SUCLG2: variants seen among roughly 807,000 people sequenced by gnomAD.
SUCLG2 encodes the protein succinate--CoA ligase [GDP-forming] subunit beta, mitochondrial.
A neutral mutation model predicts 47.9 loss-of-function variants in SUCLG2; 42 were observed. That is an observed-to-expected ratio of 0.88 (90% CI 0.69 to 1.14). The LOEUF (loss-of-function observed/expected upper bound fraction) is 1.14. SUCLG2 is among the 50% of genes most tolerant of loss of function. SUCLG2 has a pLI of 0.00. For missense variants in SUCLG2, 571 were observed against 525.9 expected, an observed-to-expected ratio of 1.09 and a Z score of -0.84; for synonymous variants, 195 against 197.3, an observed-to-expected ratio of 0.99 and a Z score of 0.10.
chr3:67,615,308 A>G (rs1700604929), intron 1 of SUCLG2, among the ~76,000 whole-genome samples: 1 of 152,062 alleles, frequency 6.6e-6, no homozygotes, highest in South Asian at 2.1e-4. Flanking sequence ...TTTTAAAATT[A>G]GAGGTGTAGA....
intron 1 of SUCLG2, among the ~76,000 whole-genome samples, chr3:67,624,660 T>C (rs7653350): frequency 0.31 from 47,769 of 152,124 alleles, 7,976 homozygotes; most frequent in Non-Finnish European, 0.37. Context: ...AATTTGAATT[T>C]CTTTAGCCAG....
intron 10 of SUCLG2, among the ~76,000 whole-genome samples, chr3:67,383,548 C>A (rs1046933344): frequency 6.6e-6 from 1 of 152,162 alleles, no homozygotes; most frequent in Admixed American, 6.5e-5. Context: ...AATCAACACT[C>A]GAGGTGTGAA....
intron 6 of SUCLG2, 135 bp downstream of exon 6, chr3:67,518,112 A>G: frequency 2.7e-6 from 2 of 739,694 alleles, no homozygotes; most frequent in Non-Finnish European, 4.5e-6. Flanking sequence ...TTCATCATAA[A>G]CAGCTGGAGG....
chr3:67,458,798 A>G (rs1474546921), intron 9 of SUCLG2, among the ~76,000 whole-genome samples: 2 of 152,200 alleles, frequency 1.3e-5, no homozygotes, highest in Non-Finnish European at 2.9e-5. Flanking sequence ...CCCTTCTGGA[A>G]TATCGTTAAA....
intron 9 of SUCLG2, among the ~76,000 whole-genome samples, chr3:67,472,614 TTTTA>T (rs1488785436): frequency 1.3e-5 from 2 of 152,186 alleles, no homozygotes; most frequent in Non-Finnish European, 2.9e-5. Context: ...GTTAATAGGT[TTTTA>T]TTTAATATTT....
intron 9 of SUCLG2, among the ~76,000 whole-genome samples, chr3:67,423,800 G>C (rs768058314): frequency 6.6e-6 from 1 of 152,144 alleles, no homozygotes; most frequent in Non-Finnish European, 1.5e-5. Flanking sequence ...ACTGAAGTGA[G>C]TTTTGCTCCT....
At chr3:67,431,604 T>C (rs1703482101) in intron 9 of SUCLG2, among the ~76,000 whole-genome samples, 1 of 152,122 alleles carries the variant, frequency 6.6e-6, no homozygotes, top group South Asian at 2.1e-4. Context: ...TGGATGAAGC[T>C]GGAAACCATC....
At chr3:67,557,161 G>C (rs1707183550) in intron 2 of SUCLG2, among the ~76,000 whole-genome samples, 1 of 152,074 alleles carries the variant, frequency 6.6e-6, no homozygotes, top group Non-Finnish European at 1.5e-5. Context: ...ACTGGAAGAG[G>C]AATAAAGGAT....
chr3:67,620,025 A>G (rs908350801), intron 1 of SUCLG2, among the ~76,000 whole-genome samples: 1 of 152,246 alleles, frequency 6.6e-6, no homozygotes, highest in African/African-American at 2.4e-5. Flanking sequence ...AAAACAAATT[A>G]AGGTAATATA....
chr3:67,648,401 CA>C (rs1701227541), intron 1 of SUCLG2, among the ~76,000 whole-genome samples: 1 of 152,184 alleles, frequency 6.6e-6, no homozygotes, highest in Non-Finnish European at 1.5e-5. Context: ...GAGTGTCACT[CA>C]AGGGCAAAAA....
intron 9 of SUCLG2, among the ~76,000 whole-genome samples, chr3:67,459,366 C>T (rs183082276): frequency 1.3e-5 from 2 of 152,220 alleles, no homozygotes; most frequent in Non-Finnish European, 2.9e-5. Context: ...AGGAAAACAC[C>T]AGGCAGGCAG....
At chr3:67,559,436 A>C in intron 2 of SUCLG2, among the ~76,000 whole-genome samples, 1 of 151,640 alleles carries the variant, frequency 6.6e-6, no homozygotes, top group East Asian at 1.9e-4. Flanking sequence ...AGGTAGCAGG[A>C]GAGAGAGATA....
intron 1 of SUCLG2, among the ~76,000 whole-genome samples, chr3:67,624,759 C>G (rs559774973): frequency 3.4e-4 from 51 of 152,106 alleles, no homozygotes; most frequent in Middle Eastern, 3.4e-3. Flanking sequence ...TTTCAGAAAA[C>G]TAGATATCAT....
chr3:67,421,719 C>T (rs1392030384), intron 9 of SUCLG2, among the ~76,000 whole-genome samples: 2 of 152,170 alleles, frequency 1.3e-5, no homozygotes, highest in Non-Finnish European at 2.9e-5. Flanking sequence ...AGCAACTCCA[C>T]ATTTTGTCAT....
chr3:67,449,867 C>T (rs191352909), intron 9 of SUCLG2, among the ~76,000 whole-genome samples: 1 of 152,152 alleles, frequency 6.6e-6, no homozygotes, highest in Non-Finnish European at 1.5e-5. Flanking sequence ...ACCTGCATGG[C>T]CTCCAAAAGT....
intron 2 of SUCLG2, among the ~76,000 whole-genome samples, chr3:67,566,183 G>T (rs899591139): frequency 6.6e-6 from 1 of 152,098 alleles, no homozygotes; most frequent in East Asian, 1.9e-4. Context: ...TTCCGAATAC[G>T]GTGAACATTC....
chr3:67,650,458 T>A (rs1370444697), intron 1 of SUCLG2, among the ~76,000 whole-genome samples: 1 of 152,102 alleles, frequency 6.6e-6, no homozygotes, highest in African/African-American at 2.4e-5. Flanking sequence ...CAACAAGGAT[T>A]CTAAAATAGG....
intron 1 of SUCLG2, among the ~76,000 whole-genome samples, chr3:67,615,165 C>T (rs1349005216): frequency 6.6e-6 from 1 of 150,812 alleles, no homozygotes; most frequent in African/African-American, 2.4e-5. Flanking sequence ...AGGCAGGGGA[C>T]AAAGAGAACC....
chr3:67,570,143 G>C (rs571116816), intron 2 of SUCLG2, among the ~76,000 whole-genome samples: 1 of 152,198 alleles, frequency 6.6e-6, no homozygotes. Flanking sequence ...GTAATCATCT[G>C]CAAGTCAAGA....
Sources: allele counts gnomAD v4.1 joint callset (sites outside exome capture counted in the v4.1 genomes callset), GRCh38; gene constraint gnomAD v4.1.1; transcripts MANE v1.5; gene names NCBI Gene and HGNC (gene_info 2026-07-23, HGNC 2026-07-21).